Variants in DISC1 observed in about 807,000 individuals in gnomAD.
The protein encoded by DISC1 is disrupted in schizophrenia 1 protein.
Under a neutral mutation model 84.5 loss-of-function variants are expected in DISC1, and 57 were observed. The observed-to-expected ratio is 0.67, with a 90% CI of 0.55 to 0.84. DISC1 has a LOEUF of 0.84. DISC1 is among the 40% of genes least tolerant of loss of function. The pLI is 0.00. For missense variants in DISC1, 1,000 were observed against 1,057.8 expected, an observed-to-expected ratio of 0.95 and a Z score of 0.76; for synonymous variants, 411 against 415.2, an observed-to-expected ratio of 0.99 and a Z score of 0.12.
chr1:231,703,039 G>A (rs1416485708), intron 3 of DISC1, among the ~76,000 whole-genome samples: 2 of 152,218 alleles, frequency 1.3e-5, no homozygotes, highest in Non-Finnish European at 2.9e-5. Flanking sequence ...CATTCTCATT[G>A]TATGTGTCAT....
intron 9 of DISC1, among the ~76,000 whole-genome samples, chr1:231,919,591 T>G (rs1372003940): frequency 6.6e-6 from 1 of 152,210 alleles, no homozygotes; most frequent in Non-Finnish European, 1.5e-5. Flanking sequence ...TTTTTGTGGC[T>G]ATAGTGCCTC....
chr1:232,023,470 AT>A (rs1303575771), intron 11 of DISC1, among the ~76,000 whole-genome samples: 3 of 152,172 alleles, frequency 2.0e-5, no homozygotes, highest in African/African-American at 7.2e-5. Context: ...TGAACAAATT[AT>A]TTCTTTTTGA....
chr1:231,831,849 T>TGG (rs59813729), intron 9 of DISC1, among the ~76,000 whole-genome samples: 1 of 142,108 alleles, frequency 7.0e-6, no homozygotes, highest in African/African-American at 2.6e-5. Context: ...TGAGAGGTAG[T>TGG]GGGGGGGGGT....
chr1:231,988,218 A>G (rs1436159413), intron 10 of DISC1, among the ~76,000 whole-genome samples: 2 of 152,082 alleles, frequency 1.3e-5, no homozygotes, highest in African/African-American at 4.8e-5. Flanking sequence ...GGTCCTTGCT[A>G]CTCCAAGTGT....
chr1:231,665,920 G>T (rs2061978188), intron 1 of DISC1, among the ~76,000 whole-genome samples: 1 of 152,144 alleles, frequency 6.6e-6, no homozygotes. Flanking sequence ...TTTCAGAGCG[G>T]CACTTCATCA....
intron 1 of DISC1, among the ~76,000 whole-genome samples, chr1:231,636,174 A>G (rs200237570): frequency 4.6e-5 from 7 of 152,258 alleles, no homozygotes; most frequent in Middle Eastern, 3.2e-3. Flanking sequence ...GCTGCTCTTC[A>G]TTCAGAAAGA....
chr1:231,679,521 G>A (rs2063487981), intron 1 of DISC1, among the ~76,000 whole-genome samples: 1 of 152,158 alleles, frequency 6.6e-6, no homozygotes, highest in Non-Finnish European at 1.5e-5. Context: ...AAAATGTTTA[G>A]TTGCTTTCCA....
intron 10 of DISC1, among the ~76,000 whole-genome samples, chr1:232,007,201 T>A (rs821609): frequency 0.28 from 43,032 of 152,038 alleles, 6,366 homozygotes; most frequent in African/African-American, 0.33. Flanking sequence ...GCCCCCACAC[T>A]GAGTCCCCAC....
intron 10 of DISC1, among the ~76,000 whole-genome samples, chr1:231,970,079 T>C (rs1661733015): frequency 6.6e-6 from 1 of 152,234 alleles, no homozygotes; most frequent in East Asian, 1.9e-4. Context: ...TGTGTCTTTA[T>C]AGCAGCAAGA....
At chr1:231,663,533 T>TACA (rs2061733677) in intron 1 of DISC1, among the ~76,000 whole-genome samples, 1 of 152,196 alleles carries the variant, frequency 6.6e-6, no homozygotes, top group Admixed American at 6.5e-5. Flanking sequence ...ATACTGCCCC[T>TACA]ACAACTTGCA....
At chr1:231,631,240 C>T (rs1006232030) in intron 1 of DISC1, among the ~76,000 whole-genome samples, 3 of 152,166 alleles carry the variant, frequency 2.0e-5, no homozygotes, top group African/African-American at 7.2e-5. Context: ...GACATAGTCT[C>T]AAAATAAGTG....
chr1:231,898,879 G>T (rs756783101), intron 9 of DISC1, among the ~76,000 whole-genome samples: 4 of 151,996 alleles, frequency 2.6e-5, no homozygotes, highest in Admixed American at 6.6e-5. Flanking sequence ...GTTGCAGTGA[G>T]CCGAGATGAT....
At chr1:231,706,241 G>T (rs1382120912) in intron 3 of DISC1, among the ~76,000 whole-genome samples, 1 of 152,148 alleles carries the variant, frequency 6.6e-6, no homozygotes, top group East Asian at 1.9e-4. Context: ...TAGATTCATT[G>T]CATTAATGCC....
intron 9 of DISC1, among the ~76,000 whole-genome samples, chr1:231,923,937 T>C (rs1185984741): frequency 2.0e-5 from 3 of 152,234 alleles, no homozygotes; most frequent in Admixed American, 6.5e-5. Flanking sequence ...TTAGGGGCTA[T>C]GTGCTCGGTT....
chr1:231,636,673 T>C (rs2059228703), intron 1 of DISC1, among the ~76,000 whole-genome samples: 1 of 152,202 alleles, frequency 6.6e-6, no homozygotes, highest in Non-Finnish European at 1.5e-5. Flanking sequence ...GTTTCTGCCA[T>C]TTCAAGGAGT....
chr1:232,031,354 G>A lies in DISC1; in HGVS notation c.2425+4802G>A, dbSNP rs1331324137. On this transcript the variant is annotated intron_variant, in intron 12 of 12. Coordinates refer to ENST00000439617, the MANE Select transcript of DISC1 (RefSeq NM_018662.3). The surrounding 1 kb of genome is among the most constrained non-coding windows in gnomAD (Gnocchi z 4.6). ...AGGAAAAGGAAAAGAGGAAAGAAAA[G>A]GAAAGGGAAGGGAGAGGGAAAGGAG... 6.7e-6 allele frequency among the ~76,000 whole-genome samples: 1 copy of A among 148,156 alleles called. No individual in the cohort carries two copies. The highest frequency in any genetic ancestry group is 1.5e-5 in the Non-Finnish European group (1 of 66,924).
intron 8 of DISC1, among the ~76,000 whole-genome samples, chr1:231,809,453 A>C (rs907483367): frequency 6.6e-6 from 1 of 151,154 alleles, no homozygotes; most frequent in African/African-American, 2.4e-5. Flanking sequence ...AGAAGCAAAC[A>C]GCTCAAATAA....
intron 3 of DISC1, among the ~76,000 whole-genome samples, chr1:231,733,916 G>A (rs1188019595): frequency 6.6e-6 from 1 of 151,484 alleles, no homozygotes; most frequent in African/African-American, 2.4e-5. Context: ...TGGTGGTGTT[G>A]GTGGTAGGAG....
chr1:231,927,187 C>A (rs2090403998), intron 9 of DISC1, among the ~76,000 whole-genome samples: 1 of 152,162 alleles, frequency 6.6e-6, no homozygotes, highest in Non-Finnish European at 1.5e-5. Flanking sequence ...ATTCTCATTC[C>A]CTGTTTGGGT....
Sources: gnomAD v4.1 joint callset for allele counts (sites outside exome capture counted in the v4.1 genomes callset) on GRCh38, gnomAD v4.1.1 for gene constraint, Gnocchi (gnomAD v3.1) non-coding constraint, MANE v1.5 for transcripts, NCBI Gene and HGNC (gene_info 2026-07-23, HGNC 2026-07-21) for gene names.